Variants in LMBRD2 observed in about 807,000 individuals in gnomAD.
LMBRD2 encodes the protein LMBR1 domain containing 2.
In LMBRD2, 55 loss-of-function variants were observed where a neutral mutation model predicts 94.4. The ratio of observed to expected loss-of-function variants is 0.58; its 90% CI spans 0.47 to 0.73. The LOEUF is 0.73. Among genes scored for constraint, LMBRD2 ranks in the 30% least tolerant of loss-of-function variants. The pLI is 0.00. For missense variants in LMBRD2, 640 were observed against 831.9 expected (o/e 0.77, Z 2.84); for synonymous variants, 246 against 272.4 (o/e 0.90, Z 0.95).
chr5:36,110,922 T>C (rs1743590107), intron 14 of LMBRD2, among the ~76,000 whole-genome samples: 1 of 152,108 alleles, frequency 6.6e-6, no homozygotes, highest in South Asian at 2.1e-4. Flanking sequence ...GCTGCAGACA[T>C]ACTAATAATT....
chr5:36,103,221 A>G lies in LMBRD2; in HGVS notation c.*825T>C, dbSNP rs1743382673. The stretch of plus-strand genomic sequence containing the variant: ...GGACTCTTTGACTACTTAAAAAAAA[A>G]CTATTTTTCATTAATGCCTAGGATT... On this transcript the variant is annotated 3_prime_UTR_variant, in exon 18 of 18. Coordinates refer to ENST00000296603, the MANE Select transcript of LMBRD2 (RefSeq NM_001007527.2). The G allele has an allele frequency of 6.6e-6, 1 of 152,256 alleles. No homozygotes were observed. The highest frequency in any genetic ancestry group is 2.1e-4 in the South Asian group (1 of 4,832). 9.4% of individuals were successfully genotyped at this position (152,256 alleles called of 1,614,324 possible). A position where few individuals can be genotyped will look rare whatever the true frequency, so the allele number is the denominator to read the frequency against.
In LMBRD2 at chr5:36,111,145, C is replaced by T; in HGVS notation, c.1744+10G>A. The T allele has an allele frequency of 6.6e-7, 1 of 1,514,544 alleles. No homozygotes were observed. The highest frequency in any genetic ancestry group is 9.1e-7 in the Non-Finnish European group (1 of 1,097,570). The allele number at this position is 1,514,544 out of a possible 1,614,324, so 93.8% of individuals were successfully genotyped here. A position where few individuals can be genotyped will look rare whatever the true frequency, so the allele number is the denominator to read the frequency against. The stretch of plus-strand genomic sequence containing the variant: ...TTTTCCCTTCATTTATTTTAAAAGA[C>T]AAATCTTACCTTTTCTGATTAATTC... On this transcript the variant is annotated intron_variant, in intron 14 of 17. Coordinates refer to ENST00000296603, the MANE Select transcript of LMBRD2 (RefSeq NM_001007527.2).
At chr5:36,116,643 G>A (rs1235951238) in intron 10 of LMBRD2, 50 bp from the exon 11 acceptor site, 5 of 1,562,074 alleles carry the variant, frequency 3.2e-6, no homozygotes, top group Non-Finnish European at 4.4e-6. Context: ...ACAGACTTTA[G>A]CACTTAACAA....
intron 13 of LMBRD2, among the ~76,000 whole-genome samples, chr5:36,112,293 A>T (rs1373112810): frequency 1.3e-5 from 2 of 152,096 alleles, no homozygotes; most frequent in Non-Finnish European, 2.9e-5. Context: ...TCCTTATGGG[A>T]GTACTATACT....
At position 36,121,107 on chromosome 5, in the gene LMBRD2, C is replaced by G. The variant is rs1232194753; in HGVS notation, c.1120+1173G>C. ...GAATTTCAATTTCTATAATCAACTG[C>G]CTATTCAGAATCTTTATGCCTTTAT... On this transcript the variant is annotated intron_variant, in intron 9 of 17. Coordinates refer to ENST00000296603, the MANE Select transcript of LMBRD2 (RefSeq NM_001007527.2). Among the ~76,000 whole-genome samples, 7 of 152,296 alleles carry G rather than the reference C, an allele frequency of 4.6e-5. No homozygotes were observed. In the East Asian group the frequency reaches 1.4e-3, roughly 29 times the overall value.
intron 1 of LMBRD2, among the ~76,000 whole-genome samples, chr5:36,146,847 G>A (rs1287336169): frequency 1.3e-5 from 2 of 152,026 alleles, no homozygotes; most frequent in South Asian, 4.2e-4. Flanking sequence ...TTGATATACT[G>A]TACATATACA....
intron 1 of LMBRD2, among the ~76,000 whole-genome samples, chr5:36,145,439 T>G (rs1744514542): frequency 6.6e-6 from 1 of 152,234 alleles, no homozygotes; most frequent in Middle Eastern, 3.2e-3. Flanking sequence ...TTGCCTGGGC[T>G]GGTCTCGAAC....
rs774368648 is a variant in LMBRD2, at chr5:36,137,415, T to C, written c.395A>G (p.Tyr132Cys). The C allele has an allele frequency of 2.5e-6, 4 of 1,583,522 alleles. No homozygotes were observed. Among genetic ancestry groups the C allele is most frequent in the Non-Finnish European group, 2.6e-6 (3 of 1,160,870 alleles). The stretch of plus-strand genomic sequence containing the variant: ...GATGGAAAACCCTCCTGATCTTGCA[T>C]ATGACTGCATAAAAGGTAAGAGAAT... The part of the protein sequence containing the change: ...TWILLPFMQS[Y>C]ARSGGFSITG... The change falls in exon 5 of 18, where the codon TAT becomes TGT. Residue 132 changes from tyrosine to cysteine, a missense_variant. By Grantham distance (194) the Tyr-to-Cys change is radical. This residue lies in a region of LMBRD2 where 457 missense variants were observed against 642.8 expected (regional missense o/e 0.71). Coordinates refer to ENST00000296603, the MANE Select transcript of LMBRD2 (RefSeq NM_001007527.2).
intron 6 of LMBRD2, among the ~76,000 whole-genome samples, chr5:36,134,637 T>C (rs1346025864): frequency 6.6e-6 from 1 of 152,008 alleles, no homozygotes; most frequent in Non-Finnish European, 1.5e-5. Flanking sequence ...ATGCCAAAGA[T>C]CGTAGACCAC....
chr5:36,124,403 T>A, intron 6 of LMBRD2, 138 bp from the exon 7 acceptor site: 1 of 533,682 alleles, frequency 1.9e-6, no homozygotes, highest in Non-Finnish European at 3.3e-6. Flanking sequence ...TGAATAAAGG[T>A]TCTTAAGAAC....
chr5:36,142,393 A>G (rs1744430895), intron 3 of LMBRD2, 109 bp downstream of exon 3: 1 of 579,572 alleles, frequency 1.7e-6, no homozygotes, highest in Admixed American at 3.0e-5. Flanking sequence ...GAATTAGTAG[A>G]GAATGAGGAT....
At position 36,127,264 on chromosome 5, in the gene LMBRD2, C is replaced by T. The variant is rs573918538; in HGVS notation, c.748-2999G>A. Among the ~76,000 whole-genome samples the T allele has an allele frequency of 1.1e-4, 16 of 152,220 alleles. 1 individual carries two copies. The South Asian group carries it at 3.3e-3, about 32-fold the overall frequency. ...GATATTCAGAAAAGCAGAAAGAATC[C>T]CAAAATACCTTGAAGTATATGGCCA... On this transcript the variant is annotated intron_variant, in intron 6 of 17. Transcript: ENST00000296603.
In LMBRD2 at chr5:36,098,742, G is replaced by A. The variant is rs1743292260; in HGVS notation, c.*5304C>T. On this transcript the variant is annotated 3_prime_UTR_variant, in exon 18 of 18. Coordinates refer to ENST00000296603, the MANE Select transcript of LMBRD2 (RefSeq NM_001007527.2). Reference sequence around the variant, plus strand: ...AACACTATGCATAGATAAGGCCAAAGTTACTAATTTGCTTATAGGTAGCAC... The same window carrying A: ...AACACTATGCATAGATAAGGCCAAAATTACTAATTTGCTTATAGGTAGCAC... 6.6e-6 allele frequency: 1 copy of A among 151,996 alleles called. No homozygotes were observed. The highest frequency in any genetic ancestry group is 2.1e-4 in the South Asian group (1 of 4,830). The allele number at this position is 151,996 out of a possible 1,614,324, so 9.4% of individuals were successfully genotyped here.
intron 16 of LMBRD2, 75 bp downstream of exon 16, chr5:36,108,459 A>G: frequency 3.1e-6 from 2 of 651,826 alleles, no homozygotes; most frequent in East Asian, 2.8e-5. Context: ...GGATGTGTGT[A>G]TTCTAACACT....
At chr5:36,137,483 G>T in intron 4 of LMBRD2, 42 bp from the exon 5 acceptor site, 1 of 1,343,270 alleles carries the variant, frequency 7.4e-7, no homozygotes, top group Non-Finnish European at 1.0e-6. Flanking sequence ...CCAAATAATT[G>T]ATATGTCTGT....
chr5:36,138,166 G>A (rs1744315476), intron 4 of LMBRD2, among the ~76,000 whole-genome samples: 1 of 152,162 alleles, frequency 6.6e-6, no homozygotes, highest in Admixed American at 6.5e-5. Context: ...AGTTAAAGTG[G>A]AGAGAGAGAA....
intron 6 of LMBRD2, among the ~76,000 whole-genome samples, chr5:36,126,758 T>A (rs1439685647): frequency 6.6e-6 from 1 of 152,174 alleles, no homozygotes; most frequent in Non-Finnish European, 1.5e-5. Flanking sequence ...ACCAAACAGT[T>A]TTTATAAAAC....
At chr5:36,107,350 G>A (rs1743497185) in intron 16 of LMBRD2, among the ~76,000 whole-genome samples, 2 of 151,610 alleles carry the variant, frequency 1.3e-5, no homozygotes, top group South Asian at 4.1e-4. Context: ...TCTGGGTCTG[G>A]TTATGTTCAC....
rs1029279546 is a variant in LMBRD2, at chr5:36,100,648, G to A, written c.*3398C>T. 1.3e-5 allele frequency: 2 copies of A among 152,056 alleles called. No individual in the cohort carries two copies. Among genetic ancestry groups the A allele is most frequent in the African/African-American group, 4.8e-5 (2 of 41,428 alleles). 9.4% of individuals were successfully genotyped at this position (152,056 alleles called of 1,614,324 possible). ...CAATCCATTACATTTGATGATTCAA[G>A]TACGCTAAGATTTTTCAGGGACATA... On this transcript the variant is annotated 3_prime_UTR_variant, in exon 18 of 18. Transcript: ENST00000296603.
Sources: gnomAD v4.1 joint callset for allele counts (sites outside exome capture counted in the v4.1 genomes callset) on GRCh38, gnomAD v4.1.1 for gene constraint, gnomAD v4.1.1 regional missense constraint, MANE v1.5 for transcripts, NCBI Gene and HGNC (gene_info 2026-07-23, HGNC 2026-07-21) for gene names.